Variants in DDX10 observed in about 807,000 individuals in gnomAD.
DDX10 encodes probable ATP-dependent RNA helicase DDX10.
In DDX10, 74 loss-of-function variants were observed where a neutral mutation model predicts 104.3. The ratio of observed to expected loss-of-function variants is 0.71; its 90% CI spans 0.59 to 0.86. The LOEUF (loss-of-function observed/expected upper bound fraction) is 0.86. Among genes scored for constraint, DDX10 ranks in the 40% least tolerant of loss-of-function variants. The pLI is 0.00. For missense variants in DDX10, 952 were observed against 1,040.0 expected, an observed-to-expected ratio of 0.92 and a Z score of 1.16; for synonymous variants, 351 against 353.4, an observed-to-expected ratio of 0.99 and a Z score of 0.08.
intron 9 of DDX10, among the ~76,000 whole-genome samples, chr11:108,696,992 A>C (rs568564889): frequency 8.5e-5 from 13 of 152,284 alleles, no homozygotes; most frequent in African/African-American, 2.6e-4. Context: ...GCCGTGGTGA[A>C]CATTAAATTG....
At chr11:108,706,695 C>A in intron 9 of DDX10, 44 bp from the exon 10 acceptor site, 1 of 1,425,648 alleles carries the variant, frequency 7.0e-7, no homozygotes, top group Non-Finnish European at 9.9e-7. Context: ...ATGTAAAATG[C>A]AGATTGCATT....
At chr11:108,886,195 T>C (rs1348038125) in intron 16 of DDX10, among the ~76,000 whole-genome samples, 1 of 152,218 alleles carries the variant, frequency 6.6e-6, no homozygotes, top group South Asian at 2.1e-4. Flanking sequence ...TGTTGGCTTC[T>C]GTAGGTGGGA....
intron 13 of DDX10, among the ~76,000 whole-genome samples, chr11:108,765,274 A>C (rs548387587): frequency 7.2e-5 from 11 of 152,338 alleles, no homozygotes; most frequent in Non-Finnish European, 1.6e-4. Flanking sequence ...GGACTCCTTC[A>C]GTTTATTCTA....
chr11:108,844,925 G>A (rs990336652), intron 15 of DDX10, among the ~76,000 whole-genome samples: 13 of 152,240 alleles, frequency 8.5e-5, no homozygotes, highest in African/African-American at 2.9e-4. Context: ...TGCCGGGCAC[G>A]GTGGCTCACG....
intron 13 of DDX10, among the ~76,000 whole-genome samples, chr11:108,780,585 T>C (rs2094376851): frequency 6.6e-6 from 1 of 152,208 alleles, no homozygotes; most frequent in Admixed American, 6.5e-5. Flanking sequence ...ATTGTGATTT[T>C]CCTAGTGTAC....
intron 13 of DDX10, among the ~76,000 whole-genome samples, chr11:108,740,300 C>T (rs988950938): frequency 6.6e-6 from 1 of 152,134 alleles, no homozygotes; most frequent in African/African-American, 2.4e-5. Context: ...CATGTTGCTA[C>T]AAAGGACATG....
rs116772596 is a variant in DDX10, at chr11:108,766,899, T to G, written c.1965+43437T>G. ...GCAGCCATCAGGACTTTAGGTGCCTTGTTGGTTAAAAGCTTTCAGGTTGGC... is the reference window on the plus strand; with the variant it reads ...GCAGCCATCAGGACTTTAGGTGCCTGGTTGGTTAAAAGCTTTCAGGTTGGC... On this transcript the variant is annotated intron_variant, in intron 13 of 17. Transcript: ENST00000322536. Among the ~76,000 whole-genome samples the G allele has an allele frequency of 2.1e-3, 323 of 152,256 alleles. 2 individuals carry two copies. Among genetic ancestry groups the G allele is most frequent in the African/African-American group, 7.5e-3 (310 of 41,548 alleles).
chr11:108,799,877 C>A (rs988354689), intron 13 of DDX10, among the ~76,000 whole-genome samples: 8 of 152,090 alleles, frequency 5.3e-5, no homozygotes, highest in African/African-American at 1.9e-4. Context: ...CTTCCTAAAA[C>A]TAGTTCAGCA....
intron 16 of DDX10, among the ~76,000 whole-genome samples, chr11:108,909,825 G>C (rs551069410): frequency 6.6e-6 from 1 of 152,252 alleles, no homozygotes; most frequent in East Asian, 1.9e-4. Flanking sequence ...ATGTTAGAAG[G>C]CACCACAACA....
intron 13 of DDX10, among the ~76,000 whole-genome samples, chr11:108,755,504 G>T (rs2094343396): frequency 6.6e-6 from 1 of 152,036 alleles, no homozygotes; most frequent in African/African-American, 2.4e-5. Context: ...ACAACCACAG[G>T]ATTGAGTAGT....
At chr11:108,686,091 C>T (rs566980666) in intron 6 of DDX10, among the ~76,000 whole-genome samples, 2 of 152,256 alleles carry the variant, frequency 1.3e-5, no homozygotes, top group Admixed American at 1.3e-4. Flanking sequence ...TCTTTAAAGA[C>T]TGTTTTTTTA....
rs1157464187 is a variant in DDX10, at chr11:108,940,486, A to T, written c.*63A>T. On this transcript the variant is annotated 3_prime_UTR_variant, in exon 18 of 18. Coordinates refer to ENST00000322536, the MANE Select transcript of DDX10 (RefSeq NM_004398.4). ...TATGACTGCGTAGGCAAGAAGTTGA[A>T]AAACAGTTGATTTGGGGGCACTTAG... The T allele has an allele frequency of 2.8e-5, 44 of 1,561,876 alleles. No individual in the cohort carries two copies. Among genetic ancestry groups the T allele is most frequent in the Non-Finnish European group, 3.6e-5 (42 of 1,151,354 alleles).
intron 15 of DDX10, among the ~76,000 whole-genome samples, chr11:108,846,820 A>AAACAG (rs1862724860): frequency 6.7e-6 from 1 of 149,860 alleles, no homozygotes; most frequent in Admixed American, 6.7e-5. Context: ...TTAGAGTACA[A>AAACAG]ACCAGACCAG....
At position 108,718,218 on chromosome 11, in the gene DDX10, A is replaced by G. The variant is rs115876931; in HGVS notation, c.1411-1579A>G. On this transcript the variant is annotated intron_variant, in intron 11 of 17. Transcript: ENST00000322536. ...ATAGTTATTAAGTGGAAGACCTGAGACTGAACTCCAGGTCTAGCTTTCTTG... is the reference window on the plus strand; with the variant it reads ...ATAGTTATTAAGTGGAAGACCTGAGGCTGAACTCCAGGTCTAGCTTTCTTG... Among the ~76,000 whole-genome samples, 171 of 152,264 alleles carry G rather than the reference A, an allele frequency of 1.1e-3. 2 individuals are homozygous for G. The highest frequency in any genetic ancestry group is 4.0e-3 in the African/African-American group (166 of 41,542).
At chr11:108,753,273 T>C (rs144294536) in intron 13 of DDX10, among the ~76,000 whole-genome samples, 2 of 152,236 alleles carry the variant, frequency 1.3e-5, no homozygotes, top group African/African-American at 4.8e-5. Flanking sequence ...TAAAAACTAC[T>C]TAAAAATAAC....
intron 9 of DDX10, among the ~76,000 whole-genome samples, chr11:108,695,285 A>G (rs2094258142): frequency 6.6e-6 from 1 of 152,162 alleles, no homozygotes; most frequent in South Asian, 2.1e-4. Flanking sequence ...TCAGTTTTAC[A>G]TTTTTGCTCT....
intron 13 of DDX10, among the ~76,000 whole-genome samples, chr11:108,783,192 A>G (rs895795909): frequency 1.3e-5 from 2 of 152,092 alleles, no homozygotes; most frequent in Non-Finnish European, 2.9e-5. Flanking sequence ...CTTTTTAAAG[A>G]TATGAGACTG....
intron 13 of DDX10, among the ~76,000 whole-genome samples, chr11:108,834,217 C>T (rs1335037578): frequency 6.6e-6 from 1 of 151,722 alleles, no homozygotes; most frequent in Non-Finnish European, 1.5e-5. Flanking sequence ...GATTCTCCTG[C>T]CTTGGCCTCC....
intron 13 of DDX10, among the ~76,000 whole-genome samples, chr11:108,824,001 A>G (rs568601796): frequency 6.6e-6 from 1 of 152,288 alleles, no homozygotes; most frequent in Admixed American, 6.5e-5. Context: ...TAAGAGAAGT[A>G]TATCATAGTG....
Sources: gnomAD v4.1 joint callset for allele counts (sites outside exome capture counted in the v4.1 genomes callset) on GRCh38, gnomAD v4.1.1 for gene constraint, MANE v1.5 for transcripts, NCBI Gene and HGNC (gene_info 2026-07-23, HGNC 2026-07-21) for gene names.